KLHL32: variants seen among roughly 807,000 people sequenced by gnomAD.
The protein encoded by KLHL32 is kelch like family member 32.
In KLHL32, 35 loss-of-function variants were observed where a neutral mutation model predicts 64.8. The ratio of observed to expected loss-of-function variants is 0.54; its 90% CI spans 0.41 to 0.72. The LOEUF is 0.72. Ranked by LOEUF, KLHL32 falls within the 30% of genes least tolerant of loss-of-function variation. KLHL32 has a pLI of 0.00. For synonymous variants in KLHL32, 259 were observed against 281.0 expected, an observed-to-expected ratio of 0.92 and a Z score of 0.78; for missense variants, 589 against 768.5, an observed-to-expected ratio of 0.77 and a Z score of 2.76.
intron 6 of KLHL32, among the ~76,000 whole-genome samples, chr6:97,112,426 G>A (rs115705635): frequency 0.018 from 2,787 of 152,000 alleles, 84 homozygotes; most frequent in African/African-American, 0.064. Flanking sequence ...CTCCATAAAT[G>A]AATTGTGGTT....
chr6:97,006,023 G>A (rs911862922), intron 3 of KLHL32, among the ~76,000 whole-genome samples: 1 of 152,104 alleles, frequency 6.6e-6, no homozygotes, highest in Non-Finnish European at 1.5e-5. Context: ...ATGTCTGTTA[G>A]TTCCATTTGG....
intron 1 of KLHL32, among the ~76,000 whole-genome samples, chr6:96,937,646 A>T (rs1326089392): frequency 6.6e-6 from 1 of 152,160 alleles, no homozygotes; most frequent in Non-Finnish European, 1.5e-5. Context: ...GCATGGAATC[A>T]ATGTGTACTC....
At chr6:97,132,569 T>C in intron 9 of KLHL32, 84 bp from the exon 10 acceptor site, 13 of 1,009,196 alleles carry the variant, frequency 1.3e-5, no homozygotes, top group Non-Finnish European at 1.8e-5. Flanking sequence ...CAAAGGAAAA[T>C]TGTATCCCTC....
intron 4 of KLHL32, among the ~76,000 whole-genome samples, chr6:97,055,136 G>A (rs1787593398): frequency 6.6e-6 from 1 of 152,072 alleles, no homozygotes; most frequent in African/African-American, 2.4e-5. Flanking sequence ...TAGTAAATTT[G>A]CTTTCCTCCT....
At chr6:97,056,096 CTTTTTTTTTCTTTTTT>C (rs1197624098) in intron 4 of KLHL32, among the ~76,000 whole-genome samples, 8 of 123,802 alleles carry the variant, frequency 6.5e-5, no homozygotes, top group African/African-American at 2.6e-4. Context: ...CTTTTTTTTT[CTTTTTTTTTCTTTTTT>C]TTTTTTTTTT....
chr6:97,016,134 G>T (rs185562273), intron 3 of KLHL32, among the ~76,000 whole-genome samples: 4 of 152,222 alleles, frequency 2.6e-5, no homozygotes, highest in Non-Finnish European at 5.9e-5. Flanking sequence ...ATGTGGGGTC[G>T]GAGCCCCCAC....
chr6:97,098,484 A>G (rs910318897), intron 6 of KLHL32, among the ~76,000 whole-genome samples: 1 of 152,182 alleles, frequency 6.6e-6, no homozygotes, highest in African/African-American at 2.4e-5. Flanking sequence ...TGACAGCATC[A>G]TAATTATTGT....
At chr6:96,910,413 G>A in the KLHL32 span, among the ~76,000 whole-genome samples, 3 of 152,146 alleles carry the variant, frequency 2.0e-5, no homozygotes, top group Non-Finnish European at 4.4e-5. Context: ...GTTCATGAGA[G>A]AAAATAGTAT....
At chr6:97,001,188 AATG>A (rs1253865980) in intron 3 of KLHL32, among the ~76,000 whole-genome samples, 1 of 152,158 alleles carries the variant, frequency 6.6e-6, no homozygotes, top group Admixed American at 6.5e-5. Flanking sequence ...TTTGGTGAAT[AATG>A]ATGTGTAAAT....
chr6:97,091,772 A>C (rs750818649), intron 6 of KLHL32, among the ~76,000 whole-genome samples: 2 of 152,186 alleles, frequency 1.3e-5, no homozygotes, highest in African/African-American at 2.4e-5. Flanking sequence ...CAGCTTCGCA[A>C]ACCTTTGTCA....
At chr6:96,909,928 A>C in the KLHL32 span, among the ~76,000 whole-genome samples, 1 of 152,210 alleles carries the variant, frequency 6.6e-6, no homozygotes, top group African/African-American at 2.4e-5. Flanking sequence ...GATTTAAAGA[A>C]CTTTGTACTT....
chr6:97,001,470 T>TTTTG (rs991132457), intron 3 of KLHL32, among the ~76,000 whole-genome samples: 2 of 152,152 alleles, frequency 1.3e-5, no homozygotes, highest in African/African-American at 2.4e-5. Flanking sequence ...TGGTTTGTTT[T>TTTTG]TTTGTTTGTT....
At chr6:97,012,685 A>G (rs1234880664) in intron 3 of KLHL32, among the ~76,000 whole-genome samples, 1 of 152,188 alleles carries the variant, frequency 6.6e-6, no homozygotes, top group African/African-American at 2.4e-5. Context: ...GCTTACTATC[A>G]TTTCTGTAAT....
rs79687390 is a variant in KLHL32, at chr6:96,951,593, A to G, written c.-65-15403A>G. ...ATCATCTTACCATCATCATCAAGAC[A>G]ATATTAATTGCTCACTATTAATATT... is the stretch of plus-strand genomic sequence containing the variant. On this transcript the variant is annotated intron_variant, in intron 1 of 10. Transcript: ENST00000369261. 7.1e-3 allele frequency among the ~76,000 whole-genome samples: 1,087 copies of G among 152,206 alleles called. 26 individuals are homozygous for G. Among genetic ancestry groups the G allele is most frequent in the African/African-American group, 0.025 (1,038 of 41,514 alleles).
At chr6:97,054,311 C>A (rs79636108) in intron 4 of KLHL32, among the ~76,000 whole-genome samples, 215 of 152,236 alleles carry the variant, frequency 1.4e-3, no homozygotes, top group African/African-American at 5.0e-3. Context: ...TTCATAAAAA[C>A]CATCCATTTA....
At chr6:97,022,335 C>T (rs760327660) in intron 3 of KLHL32, among the ~76,000 whole-genome samples, 1 of 150,800 alleles carries the variant, frequency 6.6e-6, no homozygotes, top group African/African-American at 2.5e-5. Flanking sequence ...AATCTTTGCA[C>T]AGCTGTTTCC....
chr6:97,116,079 G>T (rs74322147), intron 7 of KLHL32, among the ~76,000 whole-genome samples: 4,876 of 152,210 alleles, frequency 0.032, 246 homozygotes, highest in African/African-American at 0.11. Context: ...AATTCACTGA[G>T]TTTTATTGAC....
chr6:96,998,476 A>G (rs1243854957), intron 3 of KLHL32, among the ~76,000 whole-genome samples: 1 of 152,216 alleles, frequency 6.6e-6, no homozygotes, highest in Admixed American at 6.5e-5. Flanking sequence ...CCTTTAATAC[A>G]TATAGTGATT....
chr6:97,000,611 T>G (rs1778911521), intron 3 of KLHL32, among the ~76,000 whole-genome samples: 1 of 152,250 alleles, frequency 6.6e-6, no homozygotes, highest in Admixed American at 6.5e-5. Context: ...TTATAATTTC[T>G]ATTGAAAATA....
Sources: allele counts gnomAD v4.1 joint callset (sites outside exome capture counted in the v4.1 genomes callset), GRCh38; gene constraint gnomAD v4.1.1; transcripts MANE v1.5; gene names NCBI Gene and HGNC (gene_info 2026-07-23, HGNC 2026-07-21).